PIP5K1B: variants seen among roughly 807,000 people sequenced by gnomAD.
The protein encoded by PIP5K1B is phosphatidylinositol 4-phosphate 5-kinase type-1 beta.
In PIP5K1B, 42 loss-of-function variants were observed where a neutral mutation model predicts 67.0. The observed-to-expected ratio is 0.63, with a 90% CI of 0.49 to 0.81. PIP5K1B has a LOEUF of 0.81. Ranked by LOEUF, PIP5K1B falls within the 30% of genes least tolerant of loss-of-function variation. PIP5K1B has a pLI of 0.00. For missense variants in PIP5K1B, 459 were observed against 646.3 expected, an observed-to-expected ratio of 0.71 and a Z score of 3.14; for synonymous variants, 214 against 231.4, an observed-to-expected ratio of 0.92 and a Z score of 0.68.
chr9:68,786,944 G>A (rs1016771072), intron 2 of PIP5K1B, among the ~76,000 whole-genome samples: 1 of 152,090 alleles, frequency 6.6e-6, no homozygotes. Context: ...TACCACCCCC[G>A]CATGGACAAA....
chr9:68,807,761 G>A (rs1832948857), intron 2 of PIP5K1B, among the ~76,000 whole-genome samples: 1 of 152,146 alleles, frequency 6.6e-6, no homozygotes, highest in African/African-American at 2.4e-5. Flanking sequence ...CCCAAGGCAT[G>A]TACTCTTAGG....
chr9:68,976,620 A>G (rs745354314), intron 14 of PIP5K1B, among the ~76,000 whole-genome samples: 13 of 152,200 alleles, frequency 8.5e-5, no homozygotes, highest in East Asian at 3.8e-4. Context: ...GTTTTGTGGA[A>G]GACAATTTTT....
intron 4 of PIP5K1B, among the ~76,000 whole-genome samples, chr9:68,854,464 A>G (rs913151327): frequency 2.0e-5 from 3 of 152,196 alleles, no homozygotes; most frequent in African/African-American, 7.2e-5. Context: ...CAGAAGGGTC[A>G]TAGACCTGCC....
In PIP5K1B at chr9:68,934,982, T is replaced by C; in HGVS notation, c.1294T>C (p.Trp432Arg). ...GATTGTGTCCTCAATTAGCCAGGAA[T>C]GGAAGGATGAGAAGCGGGATTTGCT... ...QEIVSSISQE[W>R]KDEKRDLLTE... The change falls in exon 13 of 16, where the codon TGG becomes CGG. Residue 432 changes from tryptophan (W) to arginine (R), a missense_variant. By Grantham distance (101) the Trp-to-Arg change is moderately radical (BLOSUM62 -3). Coordinates refer to ENST00000265382, the MANE Select transcript of PIP5K1B (RefSeq NM_003558.4). 6.2e-7 allele frequency: 1 copy of C among 1,613,660 alleles called. No homozygotes were observed. Among genetic ancestry groups the C allele is most frequent in the South Asian group, 1.1e-5 (1 of 91,048 alleles).
intron 14 of PIP5K1B, among the ~76,000 whole-genome samples, chr9:68,983,548 G>A (rs1404120991): frequency 6.6e-6 from 1 of 151,874 alleles, no homozygotes; most frequent in Admixed American, 6.6e-5. Flanking sequence ...TACTATGTAA[G>A]TTCCATCAGG....
intron 4 of PIP5K1B, among the ~76,000 whole-genome samples, chr9:68,859,213 A>G (rs1430924563): frequency 6.6e-6 from 1 of 152,234 alleles, no homozygotes; most frequent in Non-Finnish European, 1.5e-5. Flanking sequence ...GATCGTTAAA[A>G]GACAGTGCTT....
chr9:68,968,125 C>T (rs1183682631), intron 14 of PIP5K1B, among the ~76,000 whole-genome samples: 1 of 152,226 alleles, frequency 6.6e-6, no homozygotes, highest in Non-Finnish European at 1.5e-5. Context: ...TCCACAATTT[C>T]TCTAAAAGTC....
In PIP5K1B at chr9:68,764,740, A is replaced by G. The variant is rs181474821; in HGVS notation, c.-86+22083A>G. 5.8e-3 allele frequency among the ~76,000 whole-genome samples: 881 copies of G among 152,250 alleles called. 3 individuals are homozygous for G. Among genetic ancestry groups the G allele is most frequent in the Non-Finnish European group, 0.01 (683 of 67,994 alleles). ...AAGACAAAGAATTTATGCTAGTTACAGGTGATAAACTAAAGCTTTCCTCGT... is the reference window on the plus strand; with the variant it reads ...AAGACAAAGAATTTATGCTAGTTACGGGTGATAAACTAAAGCTTTCCTCGT... On this transcript the variant is annotated intron_variant, in intron 2 of 15. Coordinates refer to ENST00000265382, the MANE Select transcript of PIP5K1B (RefSeq NM_003558.4).
intron 4 of PIP5K1B, among the ~76,000 whole-genome samples, chr9:68,824,904 A>G (rs1012093652): frequency 1.3e-5 from 2 of 152,242 alleles, no homozygotes; most frequent in Admixed American, 6.5e-5. Flanking sequence ...TAGAATAGGA[A>G]AACCTCTGAA....
At chr9:68,933,705 A>T (rs1827119632) in intron 12 of PIP5K1B, among the ~76,000 whole-genome samples, 1 of 152,154 alleles carries the variant, frequency 6.6e-6, no homozygotes, top group South Asian at 2.1e-4. Flanking sequence ...TGAATGTTGG[A>T]TTCCAGACTC....
intron 15 of PIP5K1B, among the ~76,000 whole-genome samples, chr9:68,999,366 C>G (rs1189087729): frequency 1.3e-5 from 2 of 152,208 alleles, no homozygotes; most frequent in Non-Finnish European, 2.9e-5. Flanking sequence ...ATTAACTGCT[C>G]CTTACCACAC....
intron 4 of PIP5K1B, among the ~76,000 whole-genome samples, chr9:68,835,837 A>AATTTT (rs1834573813): frequency 1.4e-5 from 2 of 144,324 alleles, no homozygotes; most frequent in African/African-American, 5.2e-5. Context: ...TAGAAAGTGA[A>AATTTT]TTTTTTTTTT....
intron 2 of PIP5K1B, chr9:68,788,391 A>G: frequency 1.2e-6 from 1 of 812,942 alleles, no homozygotes; most frequent in Non-Finnish European, 2.0e-6. Flanking sequence ...ACATATCCAG[A>G]TGACCCTAAG....
At chr9:68,733,444 C>G (rs1283592745) in intron 1 of PIP5K1B, among the ~76,000 whole-genome samples, 3 of 151,628 alleles carry the variant, frequency 2.0e-5, no homozygotes, top group African/African-American at 7.3e-5. Flanking sequence ...CAGTGCTTCC[C>G]AAAGAATTTT....
In PIP5K1B at chr9:68,917,620, G is replaced by T; in HGVS notation, c.844G>T (p.Glu282Ter). Residue 282 changes from glutamate to a stop codon, truncating the protein, a stop_gained, in exon 9 of 16, where the codon GAG (glutamate) becomes TAG (stop). Transcript: ENST00000265382. LOFTEE classifies it high-confidence loss of function. ...TCATTTCCTGGACCATTCCCTCAAA[G>T]AGAAAGAGGAGGAGACCCCACAAAA... is the stretch of plus-strand genomic sequence containing the variant. ...GIHFLDHSLK[E>*]KEEETPQNVP... 1 of 1,614,048 alleles carries T rather than the reference G, an allele frequency of 6.2e-7. No homozygotes were observed. Among genetic ancestry groups the T allele is most frequent in the Non-Finnish European group, 8.5e-7 (1 of 1,179,900 alleles).
At chr9:68,915,639 C>T (rs906827980) in intron 8 of PIP5K1B, among the ~76,000 whole-genome samples, 3 of 152,132 alleles carry the variant, frequency 2.0e-5, no homozygotes, top group Non-Finnish European at 4.4e-5. Flanking sequence ...CTTGACATCA[C>T]TCCTCCTTCC....
chr9:68,789,012 G>A lies in PIP5K1B; in HGVS notation c.-85-29449G>A, dbSNP rs1007877075. ...TGGGGTTCATGAAGGGAAGTGTAAGGTCTGGCATTCCAATCAGCTTGATAC... is the reference window on the plus strand; with the variant it reads ...TGGGGTTCATGAAGGGAAGTGTAAGATCTGGCATTCCAATCAGCTTGATAC... On this transcript the variant is annotated intron_variant, in intron 2 of 15. Coordinates refer to ENST00000265382, the MANE Select transcript of PIP5K1B (RefSeq NM_003558.4). 7 of 393,966 alleles carry A rather than the reference G, an allele frequency of 1.8e-5. No homozygotes were observed. In the South Asian group the frequency reaches 1.8e-4, roughly 10 times the overall value. 24.4% of individuals were successfully genotyped at this position (393,966 alleles called of 1,614,324 possible). A position where few individuals can be genotyped will look rare whatever the true frequency, so the allele number is the denominator to read the frequency against.
chr9:68,772,178 C>T (rs1483351246), intron 2 of PIP5K1B, among the ~76,000 whole-genome samples: 1 of 152,192 alleles, frequency 6.6e-6, no homozygotes, highest in East Asian at 1.9e-4. Flanking sequence ...CAGCTTCAAA[C>T]TTCTTTTGAA....
At chr9:68,934,391 T>C (rs972041748) in intron 12 of PIP5K1B, among the ~76,000 whole-genome samples, 1 of 152,160 alleles carries the variant, frequency 6.6e-6, no homozygotes, top group African/African-American at 2.4e-5. Context: ...CAACCAGAAG[T>C]AACTTGGCTA....
Sources: allele counts gnomAD v4.1 joint callset (sites outside exome capture counted in the v4.1 genomes callset), GRCh38; gene constraint gnomAD v4.1.1; transcripts MANE v1.5; gene names NCBI Gene and HGNC (gene_info 2026-07-23, HGNC 2026-07-21).